Variants in SLC9A7 observed in about 807,000 individuals in gnomAD.
SLC9A7 encodes the protein solute carrier family 9 member A7, also known as sodium/hydrogen exchanger 7.
In SLC9A7, 19 loss-of-function variants were observed where a neutral mutation model predicts 52.6. The ratio of observed to expected loss-of-function variants is 0.36; its 90% CI spans 0.25 to 0.53. The LOEUF (loss-of-function observed/expected upper bound fraction) is 0.53, where lower values mean the gene tolerates loss of function less well. SLC9A7 is among the 20% of genes least tolerant of loss of function. The pLI is 0.91. For synonymous variants in SLC9A7, 226 were observed against 252.1 expected (o/e 0.90, Z 0.98); for missense variants, 455 against 597.9 (o/e 0.76, Z 2.49).
chrX:46,652,278 A>G (rs1051305286), intron 8 of SLC9A7, among the ~76,000 whole-genome samples: 3 of 111,242 alleles, frequency 2.7e-5, no homozygotes, highest in Non-Finnish European at 5.7e-5. Context: ...AGCCTCCTGA[A>G]TAGCTGGGAC....
At chrX:46,670,340 G>A (rs1943998988) in intron 4 of SLC9A7, among the ~76,000 whole-genome samples, 1 of 112,203 alleles carries the variant, frequency 8.9e-6, no homozygotes, top group Non-Finnish European at 1.9e-5. Flanking sequence ...CCCTCCTTAT[G>A]CTATGTAGAC....
chrX:46,754,975 G>A (rs1556291038), intron 1 of SLC9A7, among the ~76,000 whole-genome samples: 1 of 112,398 alleles, frequency 8.9e-6, no homozygotes, highest in African/African-American at 3.2e-5. Flanking sequence ...TGACAAAACA[G>A]GTTAGACTGG....
At chrX:46,643,858 T>C (rs1442880163) in intron 11 of SLC9A7, among the ~76,000 whole-genome samples, 1 of 111,754 alleles carries the variant, frequency 8.9e-6, no homozygotes, top group East Asian at 2.8e-4. Flanking sequence ...CATAACCCAA[T>C]CTACATCAGG....
intron 1 of SLC9A7, among the ~76,000 whole-genome samples, chrX:46,695,214 T>G (rs774133464): frequency 6.3e-4 from 71 of 112,557 alleles, no homozygotes; most frequent in African/African-American, 2.1e-3. Context: ...TCAATAAAGT[T>G]TTTTTTTAAA....
intron 14 of SLC9A7, among the ~76,000 whole-genome samples, chrX:46,623,317 G>A (rs768902861): frequency 6.3e-5 from 7 of 111,336 alleles, no homozygotes; most frequent in Non-Finnish European, 9.4e-5. Context: ...CTCCTGTGCC[G>A]TCCACAGAAA....
chrX:46,653,802 A>G (rs1363515638), intron 7 of SLC9A7, 88 bp from the exon 8 acceptor site: 4 of 626,184 alleles, frequency 6.4e-6, no homozygotes, highest in Non-Finnish European at 9.9e-6. Context: ...CCCCTCCCCA[A>G]AGGGCTAGCC....
At chrX:46,758,652 G>A (rs1922865188) in intron 1 of SLC9A7, 53 bp downstream of exon 1, 3 of 870,367 alleles carry the variant, frequency 3.4e-6, no homozygotes, top group African/African-American at 4.1e-5. Context: ...GCGCCAGGAG[G>A]AGCGCGGCGG....
chrX:46,649,783 A>G (rs1323642776), intron 10 of SLC9A7, among the ~76,000 whole-genome samples: 2 of 112,607 alleles, frequency 1.8e-5, no homozygotes, highest in African/African-American at 6.5e-5. Flanking sequence ...TAATGCTTAT[A>G]AAGTACATTC....
intron 11 of SLC9A7, among the ~76,000 whole-genome samples, chrX:46,647,656 G>A (rs1486563548): frequency 7.1e-5 from 8 of 112,888 alleles, no homozygotes; most frequent in African/African-American, 2.6e-4. Flanking sequence ...GTCTTTGCAT[G>A]CTCCACAACC....
chrX:46,607,860 C>A (rs1942777749), intron 16 of SLC9A7, among the ~76,000 whole-genome samples: 1 of 111,951 alleles, frequency 8.9e-6, no homozygotes, highest in Non-Finnish European at 1.9e-5. Context: ...CAGACAGGAC[C>A]TTCTTCCTCC....
chrX:46,658,655 C>G (rs1569511829), intron 7 of SLC9A7, among the ~76,000 whole-genome samples: 1 of 111,249 alleles, frequency 9.0e-6, no homozygotes, highest in East Asian at 2.8e-4. Flanking sequence ...CACATACACT[C>G]TCCCAGGACT....
At position 46,646,093 on chromosome X, in the gene SLC9A7, T is replaced by C. The variant is rs531820980; in HGVS notation, c.1462+2593A>G. Among the ~76,000 whole-genome samples, 21 of 111,408 alleles carry C rather than the reference T, an allele frequency of 1.9e-4. No individual in the cohort carries two copies. The South Asian group carries it at 7.6e-3, about 40-fold the overall frequency. On this transcript the variant is annotated intron_variant, in intron 11 of 16. Coordinates refer to ENST00000616978, the MANE Select transcript of SLC9A7 (RefSeq NM_001257291.2). ...GAAACTGTTTTTTTTTGTTTTTGTT[T>C]TTGTTTTTGTTTTTTTACATCACCA... is the stretch of plus-strand genomic sequence containing the variant.
At chrX:46,730,955 C>G (rs1278167257) in intron 1 of SLC9A7, among the ~76,000 whole-genome samples, 1 of 106,919 alleles carries the variant, frequency 9.4e-6, no homozygotes, top group Non-Finnish European at 1.9e-5. Context: ...GGCATTTGGA[C>G]AGAAAACAGG....
At chrX:46,669,482 C>T (rs1943983102) in intron 5 of SLC9A7, 125 bp downstream of exon 5, 2 of 415,298 alleles carry the variant, frequency 4.8e-6, no homozygotes. Context: ...TCTTCCACCA[C>T]CATGCCATGC....
chrX:46,717,752 CT>C (rs767361638), intron 1 of SLC9A7, among the ~76,000 whole-genome samples: 38 of 111,042 alleles, frequency 3.4e-4, no homozygotes, highest in South Asian at 3.8e-4. Flanking sequence ...TGTGAAAGAC[CT>C]CTTAAAGGAG....
chrX:46,606,294 T>A lies in SLC9A7; in HGVS notation c.*658A>T. The stretch of plus-strand genomic sequence containing the variant: ...TAAACATTTCATAACTACTTCTTTA[T>A]GGATATAGCCAGAGAAGGAACTATA... On this transcript the variant is annotated 3_prime_UTR_variant, in exon 17 of 17. Coordinates refer to ENST00000616978, the MANE Select transcript of SLC9A7 (RefSeq NM_001257291.2). 1.3e-6 allele frequency: 1 copy of A among 748,278 alleles called. No homozygotes were observed. The highest frequency in any genetic ancestry group is 1.6e-6 in the Non-Finnish European group (1 of 633,575). 61.7% of individuals were successfully genotyped at this position (748,278 alleles called of 1,213,427 possible).
intron 1 of SLC9A7, among the ~76,000 whole-genome samples, chrX:46,706,766 G>T (rs1327683714): frequency 9.0e-6 from 1 of 111,562 alleles, no homozygotes; most frequent in Non-Finnish European, 1.9e-5. Flanking sequence ...CTTCTCAGGT[G>T]AACTTTTTAT....
intron 1 of SLC9A7, among the ~76,000 whole-genome samples, chrX:46,686,153 A>G (rs1392243059): frequency 8.9e-6 from 1 of 112,264 alleles, no homozygotes; most frequent in Non-Finnish European, 1.9e-5. Flanking sequence ...TAAAGTTGTA[A>G]AACCTTTTCT....
rs900986154 is a variant in SLC9A7 at position 46,725,330 on chromosome X, T to C, written c.325+33375A>G. 7 of 1,165,098 alleles carry C rather than the reference T, an allele frequency of 6.0e-6. No individual in the cohort carries two copies. The African/African-American group carries it at 1.2e-4, about 21-fold the overall frequency. On this transcript the variant is annotated intron_variant, in intron 1 of 16. Coordinates refer to ENST00000616978, the MANE Select transcript of SLC9A7 (RefSeq NM_001257291.2). ...CACCCAGTGCATCCAACTTTGCTTC[T>C]AGGTCATCTTCATCCAGTTCTGGTG...
Sources: gnomAD v4.1 joint callset for allele counts (sites outside exome capture counted in the v4.1 genomes callset) on GRCh38, gnomAD v4.1.1 for gene constraint, MANE v1.5 for transcripts, NCBI Gene and HGNC (gene_info 2026-07-23, HGNC 2026-07-21) for gene names.